SCLT1: variants seen among roughly 807,000 people sequenced by gnomAD.
SCLT1 encodes sodium channel-associated protein 1.
Under a neutral mutation model 112.8 loss-of-function variants are expected in SCLT1, and 78 were observed. That is an observed-to-expected ratio of 0.69 (90% confidence interval 0.58 to 0.83). The LOEUF (loss-of-function observed/expected upper bound fraction) is 0.83. SCLT1 is among the 40% of genes least tolerant of loss of function. The probability of loss-of-function intolerance (pLI) is 0.00; values close to 1 mark genes in which losing one functional copy is unlikely to be tolerated. For missense variants in SCLT1, 747 were observed against 770.4 expected (o/e 0.97, Z 0.36); for synonymous variants, 257 against 254.7 (o/e 1.01, Z -0.09).
chr4:128,976,733 T>C (rs895463315), intron 9 of SCLT1, among the ~76,000 whole-genome samples: 3 of 152,124 alleles, frequency 2.0e-5, no homozygotes, highest in Admixed American at 1.3e-4. Flanking sequence ...TGGGAGAATA[T>C]TGAAGTGAGA....
At chr4:128,995,569 T>C (rs1742941734) in intron 8 of SCLT1, among the ~76,000 whole-genome samples, 1 of 152,046 alleles carries the variant, frequency 6.6e-6, no homozygotes, top group African/African-American at 2.4e-5. Context: ...CTTCACAGAT[T>C]AGTGTCATAC....
At chr4:128,994,383 T>A (rs187204160) in intron 8 of SCLT1, among the ~76,000 whole-genome samples, 3 of 152,298 alleles carry the variant, frequency 2.0e-5, no homozygotes, top group Admixed American at 6.5e-5. Context: ...AGCATTCCAC[T>A]GTATGTTTAT....
intron 5 of SCLT1, among the ~76,000 whole-genome samples, chr4:129,029,637 C>A (rs1211850357): frequency 2.6e-5 from 4 of 151,884 alleles, no homozygotes; most frequent in Non-Finnish European, 5.9e-5. Flanking sequence ...CGTAACCAAT[C>A]TGCACATTGT....
At chr4:129,081,162 T>C (rs1751901448) in intron 2 of SCLT1, among the ~76,000 whole-genome samples, 1 of 152,186 alleles carries the variant, frequency 6.6e-6, no homozygotes, top group Non-Finnish European at 1.5e-5. Context: ...ACACCTTTGC[T>C]CAAGGAAATT....
chr4:129,037,937 C>G (rs1747327358), intron 5 of SCLT1: 1 of 151,942 alleles, frequency 6.6e-6, no homozygotes, highest in Non-Finnish European at 1.5e-5. Flanking sequence ...TCGAGACCAT[C>G]CTGGCTAATA....
intron 5 of SCLT1, among the ~76,000 whole-genome samples, chr4:129,028,668 T>A (rs1746379211): frequency 6.6e-6 from 1 of 152,126 alleles, no homozygotes; most frequent in African/African-American, 2.4e-5. Context: ...AAAGCCAAAA[T>A]TGACAAATGG....
At chr4:128,978,867 T>C (rs1741410584) in intron 9 of SCLT1, among the ~76,000 whole-genome samples, 1 of 151,932 alleles carries the variant, frequency 6.6e-6, no homozygotes, top group African/African-American at 2.4e-5. Context: ...GATTGTACAG[T>C]TGGCAAGAAA....
At chr4:128,898,318 A>G (rs1733962508) in intron 18 of SCLT1, among the ~76,000 whole-genome samples, 2 of 152,232 alleles carry the variant, frequency 1.3e-5, no homozygotes, top group Non-Finnish European at 2.9e-5. Flanking sequence ...ATTATAACAA[A>G]CTGTCTCTCA....
chr4:128,989,465 C>T (rs563016603), intron 9 of SCLT1, among the ~76,000 whole-genome samples: 2 of 151,854 alleles, frequency 1.3e-5, no homozygotes, highest in Admixed American at 1.3e-4. Flanking sequence ...CCTATAGATA[C>T]AGCAAAAGCA....
chr4:128,947,184 G>A (rs373162984), intron 15 of SCLT1, among the ~76,000 whole-genome samples: 17 of 152,298 alleles, frequency 1.1e-4, no homozygotes, highest in African/African-American at 3.6e-4. Context: ...AGAATAAGGC[G>A]CTGTGCTTTC....
intron 2 of SCLT1, among the ~76,000 whole-genome samples, chr4:129,064,495 G>A (rs375446787): frequency 8.6e-5 from 13 of 152,010 alleles, no homozygotes; most frequent in African/African-American, 2.4e-4. Context: ...GTTCATTTTC[G>A]TATAAGTTTT....
chr4:128,912,646 G>C (rs1277788188), intron 18 of SCLT1, among the ~76,000 whole-genome samples: 1 of 151,976 alleles, frequency 6.6e-6, no homozygotes, highest in Non-Finnish European at 1.5e-5. Flanking sequence ...TTTTGTGCAA[G>C]TAAAAGTAAG....
chr4:128,967,704 T>C (rs1051317565), intron 10 of SCLT1, among the ~76,000 whole-genome samples: 2 of 152,196 alleles, frequency 1.3e-5, no homozygotes, highest in African/African-American at 2.4e-5. Context: ...TGTTTTTTTT[T>C]CTCTTGTAAA....
At chr4:129,055,690 G>A (rs1344827337) in intron 2 of SCLT1, among the ~76,000 whole-genome samples, 1 of 152,098 alleles carries the variant, frequency 6.6e-6, no homozygotes, top group African/African-American at 2.4e-5. Context: ...TCAAGCCAGT[G>A]GTTCTTAGCT....
intron 18 of SCLT1, among the ~76,000 whole-genome samples, chr4:128,893,859 C>T (rs1733521748): frequency 6.6e-6 from 1 of 152,106 alleles, no homozygotes; most frequent in Non-Finnish European, 1.5e-5. Flanking sequence ...CCAATTTTTA[C>T]ATATGAGAAA....
At chr4:128,972,403 A>G (rs995422123) in intron 9 of SCLT1, 1 of 151,282 alleles carries the variant, frequency 6.6e-6, no homozygotes, top group Non-Finnish European at 1.5e-5. Context: ...GTAAACTGTA[A>G]GCAAGATAAG....
intron 5 of SCLT1, among the ~76,000 whole-genome samples, chr4:129,023,035 C>A (rs887828620): frequency 6.6e-6 from 1 of 152,082 alleles, no homozygotes; most frequent in Non-Finnish European, 1.5e-5. Flanking sequence ...AATTTCATAC[C>A]CAGCCAAACT....
intron 2 of SCLT1, among the ~76,000 whole-genome samples, chr4:129,071,468 G>T (rs1750997005): frequency 6.6e-6 from 1 of 152,136 alleles, no homozygotes; most frequent in Non-Finnish European, 1.5e-5. Flanking sequence ...CCAGTGTTAG[G>T]TGCATTTATG....
At chr4:129,064,342 G>A (rs1446427510) in intron 2 of SCLT1, among the ~76,000 whole-genome samples, 1 of 152,078 alleles carries the variant, frequency 6.6e-6, no homozygotes, top group Non-Finnish European at 1.5e-5. Flanking sequence ...TTCAATTTAT[G>A]GACCTTGCTT....
Sources: allele counts gnomAD v4.1 joint callset (sites outside exome capture counted in the v4.1 genomes callset), GRCh38; gene constraint gnomAD v4.1.1; transcripts MANE v1.5; gene names NCBI Gene and HGNC (gene_info 2026-07-23, HGNC 2026-07-21).